NELFB: variants seen among roughly 807,000 people sequenced by gnomAD.
The protein encoded by NELFB is negative elongation factor complex member B, also known as negative elongation factor B.
A neutral mutation model predicts 60.2 loss-of-function variants in NELFB; 34 were observed. That is an observed-to-expected ratio of 0.56 (90% CI 0.43 to 0.75). The LOEUF is 0.75. NELFB is among the 30% of genes least tolerant of loss of function. The pLI is 0.00. For synonymous variants in NELFB, 459 were observed against 382.1 expected (o/e 1.20, Z -2.35); for missense variants, 770 against 831.6 (o/e 0.93, Z 0.91).
chr9:137,267,656 G>A (rs1225499888), intron 10 of NELFB, among the ~76,000 whole-genome samples: 1 of 151,980 alleles, frequency 6.6e-6, no homozygotes, highest in Admixed American at 6.6e-5. Context: ...ACCGTGCCAG[G>A]CTAATTTTTG....
chr9:137,258,884 A>T (rs979583588), intron 4 of NELFB, among the ~76,000 whole-genome samples: 11 of 152,194 alleles, frequency 7.2e-5, no homozygotes, highest in Admixed American at 1.3e-4. Context: ...GTATATCCAA[A>T]ATATTATCTT....
chr9:137,257,905 C>T (rs889317842), intron 4 of NELFB, among the ~76,000 whole-genome samples: 1 of 151,808 alleles, frequency 6.6e-6, no homozygotes, highest in Admixed American at 6.6e-5. Flanking sequence ...ACTTCCTGAG[C>T]TAAAGTGATC....
intron 4 of NELFB, among the ~76,000 whole-genome samples, chr9:137,259,138 G>T (rs754278797): frequency 4.6e-5 from 7 of 152,172 alleles, no homozygotes; most frequent in Non-Finnish European, 8.8e-5. Flanking sequence ...CTGCAGTGAG[G>T]TATGATTGAG....
chr9:137,262,929 G>C, intron 4 of NELFB, 108 bp from the exon 5 acceptor site: 1 of 1,198,582 alleles, frequency 8.3e-7, no homozygotes, highest in Non-Finnish European at 1.2e-6. Flanking sequence ...CCAAAAAGTA[G>C]GAAGGACAGA....
At position 137,264,310 on chromosome 9, in the gene NELFB, G is replaced by T. The variant is rs780992274; in HGVS notation, c.993G>T (p.Leu331=). 2 of 1,603,936 alleles carry T rather than the reference G, an allele frequency of 1.2e-6. No homozygotes were observed. Among genetic ancestry groups the T allele is most frequent in the Non-Finnish European group, 1.7e-6 (2 of 1,176,402 alleles). ...TGGACAGCAAGAGGGCGCGGGAGCT[G>T]CAGGGGTTTCTCGATGGCGTCAAGA... Residue 331 remains leucine, a synonymous_variant, in exon 6 of 13, where the codon CTG becomes CTT. Coordinates refer to ENST00000343053, the MANE Select transcript of NELFB (RefSeq NM_015456.5).
intron 6 of NELFB, among the ~76,000 whole-genome samples, chr9:137,265,031 CTTTT>C (rs60479210): frequency 8.7e-5 from 11 of 126,170 alleles, no homozygotes; most frequent in Admixed American, 1.6e-4. Context: ...TTTTTTCTTC[CTTTT>C]TTTTTTTTTT....
Position 137,267,278 on chromosome 9 carries a change from T to C in NELFB, c.1421T>C (p.Leu474Pro), listed in dbSNP as rs1018609523. The change falls in exon 10 of 13, where the codon CTG (leucine) becomes CCG (proline). Residue 474 changes from leucine (L) to proline (P), a missense_variant. Coordinates refer to ENST00000343053, the MANE Select transcript of NELFB (RefSeq NM_015456.5). ...CAGCGCATGGCCTGCGAGGTGGGGC[T>C]GTACTACGTCCTGCACATCACCAAG... The C allele has an allele frequency of 1.2e-6, 2 of 1,613,572 alleles. No homozygotes were observed. Among genetic ancestry groups the C allele is most frequent in the Non-Finnish European group, 1.7e-6 (2 of 1,179,848 alleles).
Position 137,257,381 on chromosome 9 carries a change from T to G in NELFB, c.741+327T>G, listed in dbSNP as rs146058979. Among the ~76,000 whole-genome samples the G allele has an allele frequency of 4.6e-3, 701 of 152,304 alleles. 4 individuals are homozygous for G. The highest frequency in any genetic ancestry group is 0.017 in the East Asian group (87 of 5,190). On this transcript the variant is annotated intron_variant, in intron 4 of 12. Transcript: ENST00000343053. ...TCTCGCTCTGTTGCCCAGGCTGGAG[T>G]GCAGTGGTGTGATCTCGGCTCACTG...
At chr9:137,270,482 C>T (rs947760310) in intron 10 of NELFB, among the ~76,000 whole-genome samples, 8 of 144,512 alleles carry the variant, frequency 5.5e-5, no homozygotes, top group Non-Finnish European at 1.2e-4. Flanking sequence ...CCCAGCTACT[C>T]GGGAGGGTGA....
intron 6 of NELFB, among the ~76,000 whole-genome samples, chr9:137,265,435 C>T (rs1830506449): frequency 8.6e-6 from 1 of 116,838 alleles, no homozygotes; most frequent in South Asian, 3.0e-4. Context: ...CTTGCCCAGG[C>T]TGGAGTGCAG....
chr9:137,259,433 A>G (rs1363643244), intron 4 of NELFB, among the ~76,000 whole-genome samples: 1 of 152,064 alleles, frequency 6.6e-6, no homozygotes, highest in Admixed American at 6.5e-5. Context: ...GTTTATTCCC[A>G]GTTAGGTCCT....
chr9:137,265,552 C>T (rs1394683204), intron 6 of NELFB, among the ~76,000 whole-genome samples: 1 of 151,850 alleles, frequency 6.6e-6, no homozygotes, highest in East Asian at 1.9e-4. Flanking sequence ...CCACGCCCGG[C>T]TAATTTTTTG....
At chr9:137,259,615 G>C (rs1223047741) in intron 4 of NELFB, among the ~76,000 whole-genome samples, 1 of 151,426 alleles carries the variant, frequency 6.6e-6, no homozygotes, top group South Asian at 2.1e-4. Flanking sequence ...GGCTTGGTCG[G>C]CTTAGTCCTA....
intron 10 of NELFB, among the ~76,000 whole-genome samples, chr9:137,271,600 GT>G (rs1830584675): frequency 6.6e-6 from 1 of 152,270 alleles, no homozygotes; most frequent in African/African-American, 2.4e-5. Context: ...ATGTGGAAGA[GT>G]TTCGTTCTCT....
chr9:137,256,184 C>T (rs1588883621), intron 2 of NELFB, 114 bp downstream of exon 2: 1 of 1,383,720 alleles, frequency 7.2e-7, no homozygotes, highest in Non-Finnish European at 1.0e-6. Context: ...CCAGAGGTGG[C>T]CTGGGCCTGT....
intron 4 of NELFB, among the ~76,000 whole-genome samples, chr9:137,261,875 CAA>C (rs1178722095): frequency 6.6e-6 from 1 of 151,862 alleles, no homozygotes; most frequent in Non-Finnish European, 1.5e-5. Context: ...GGATACAAGA[CAA>C]AGAGGCAGGG....
At chr9:137,257,115 T>A in intron 4 of NELFB, 61 bp downstream of exon 4, 1 of 1,435,076 alleles carries the variant, frequency 7.0e-7, no homozygotes, top group Non-Finnish European at 9.6e-7. Context: ...GCTAGCGCCT[T>A]CAGCTGCCTG....
At chr9:137,259,186 C>A (rs966024955) in intron 4 of NELFB, among the ~76,000 whole-genome samples, 1 of 151,096 alleles carries the variant, frequency 6.6e-6, no homozygotes, top group Non-Finnish European at 1.5e-5. Flanking sequence ...GTGAGAGATC[C>A]TGTCTCAAAA....
intron 12 of NELFB, 36 bp from the exon 13 acceptor site, chr9:137,272,746 T>C (rs961471705): frequency 2.0e-6 from 3 of 1,523,290 alleles, no homozygotes; most frequent in Admixed American, 2.0e-5. Context: ...GGCCTGCCCA[T>C]GCGCCTCGCC....
Sources: allele counts gnomAD v4.1 joint callset (sites outside exome capture counted in the v4.1 genomes callset), GRCh38; gene constraint gnomAD v4.1.1; transcripts MANE v1.5; gene names NCBI Gene and HGNC (gene_info 2026-07-23, HGNC 2026-07-21).